The following AAMDC variants were observed in gnomAD, a reference collection of about 807,000 sequenced individuals.
AAMDC encodes the protein adipogenesis associated Mth938 domain containing, also known as mth938 domain-containing protein.
In AAMDC, 16 loss-of-function variants were observed where a neutral mutation model predicts 15.5. The ratio of observed to expected loss-of-function variants is 1.03; its 90% confidence interval spans 0.70 to 1.57. The LOEUF (loss-of-function observed/expected upper bound fraction) is 1.57. Among genes scored for constraint, AAMDC ranks in the 40% most tolerant of loss-of-function variants. The pLI is 0.00. For synonymous variants in AAMDC, 51 were observed against 51.6 expected (o/e 0.99, Z 0.05); for missense variants, 141 against 144.9 (o/e 0.97, Z 0.14).
intron 1 of AAMDC, among the ~76,000 whole-genome samples, chr11:77,841,941 T>C (rs4944176): frequency 0.13 from 19,608 of 152,196 alleles, 1,448 homozygotes; most frequent in Admixed American, 0.19. Flanking sequence ...CTGTTCATTT[T>C]CATGTTCTGC....
chr11:77,893,721 C>T (rs1239010983), intron 5 of AAMDC, among the ~76,000 whole-genome samples: 2 of 151,814 alleles, frequency 1.3e-5, no homozygotes, highest in African/African-American at 4.8e-5. Context: ...GATGAAACCC[C>T]GTCTCTACTA....
intron 5 of AAMDC, among the ~76,000 whole-genome samples, chr11:77,878,034 T>C (rs535024234): frequency 3.3e-5 from 5 of 152,302 alleles, no homozygotes; most frequent in East Asian, 3.9e-4. Flanking sequence ...TTTAAAGCCA[T>C]AGAGGTCCTA....
chr11:77,886,028 C>T (rs1376276484), intron 5 of AAMDC, among the ~76,000 whole-genome samples: 3 of 151,786 alleles, frequency 2.0e-5, no homozygotes, highest in African/African-American at 7.3e-5. Flanking sequence ...AAGTAAGACC[C>T]CCCAATCTCC....
intron 5 of AAMDC, among the ~76,000 whole-genome samples, chr11:77,881,674 A>C (rs2136353021): frequency 6.6e-6 from 1 of 152,358 alleles, no homozygotes; most frequent in East Asian, 1.9e-4. Context: ...AGTGCCTACT[A>C]CATGTCAGGC....
chr11:77,898,758 G>A (rs886190805), intron 5 of AAMDC, among the ~76,000 whole-genome samples: 7 of 152,194 alleles, frequency 4.6e-5, no homozygotes, highest in African/African-American at 1.2e-4. Flanking sequence ...GGTAGCTCAC[G>A]CCTGGAATCC....
chr11:77,864,567 T>TA (rs1478542965), intron 2 of AAMDC, among the ~76,000 whole-genome samples: 2 of 152,202 alleles, frequency 1.3e-5, no homozygotes, highest in African/African-American at 2.4e-5. Context: ...ACACTAGAAA[T>TA]AAACTCAGTG....
intron 5 of AAMDC, among the ~76,000 whole-genome samples, chr11:77,878,023 A>T (rs1158052507): frequency 6.6e-6 from 1 of 152,134 alleles, no homozygotes. Context: ...TATATTATTT[A>T]TTTAAAGCCA....
At chr11:77,859,612 C>T (rs554376576) in intron 2 of AAMDC, among the ~76,000 whole-genome samples, 17 of 152,322 alleles carry the variant, frequency 1.1e-4, no homozygotes, top group Admixed American at 8.5e-4. Flanking sequence ...GGATTACTTT[C>T]AAGTATTCCA....
intron 1 of AAMDC, among the ~76,000 whole-genome samples, chr11:77,831,094 G>A (rs1196448697): frequency 6.6e-6 from 1 of 151,802 alleles, no homozygotes; most frequent in Non-Finnish European, 1.5e-5. Flanking sequence ...TCAGTGAGCT[G>A]TAATCATGTC....
intron 3 of AAMDC, among the ~76,000 whole-genome samples, chr11:77,870,320 T>C (rs1292766938): frequency 6.8e-6 from 1 of 148,120 alleles, no homozygotes; most frequent in Middle Eastern, 3.2e-3. Flanking sequence ...ACGTCTGGCC[T>C]ATTTTTTAAT....
intron 5 of AAMDC, among the ~76,000 whole-genome samples, chr11:77,882,133 C>A (rs1429499531): frequency 6.6e-6 from 1 of 152,190 alleles, no homozygotes; most frequent in Non-Finnish European, 1.5e-5. Context: ...CCATGCTGGT[C>A]TCAGACTCTT....
intron 5 of AAMDC, chr11:77,884,083 G>A: frequency 2.3e-6 from 2 of 876,388 alleles, no homozygotes; most frequent in South Asian, 3.3e-5. Context: ...TTGAGCCTTG[G>A]GGGTAGGTCA....
chr11:77,875,298 T>C (rs1951565336), downstream of AAMDC, among the ~76,000 whole-genome samples: 1 of 152,152 alleles, frequency 6.6e-6, no homozygotes, highest in Non-Finnish European at 1.5e-5. Context: ...TACAGATCAG[T>C]TGGAAGAAAT....
intron 1 of AAMDC, among the ~76,000 whole-genome samples, chr11:77,826,372 A>AC (rs1949173615): frequency 6.6e-6 from 1 of 151,856 alleles, no homozygotes; most frequent in Non-Finnish European, 1.5e-5. Context: ...AAAAAAAAAA[A>AC]GATGGGGGAC....
chr11:77,878,213 T>G (rs924444925), intron 5 of AAMDC, among the ~76,000 whole-genome samples: 6 of 151,784 alleles, frequency 4.0e-5, no homozygotes, highest in African/African-American at 1.2e-4. Context: ...ATACAAAAAA[T>G]TAGCAAGGCG....
At chr11:77,841,105 A>G (rs978893655) in intron 1 of AAMDC, 1 of 676,102 alleles carries the variant, frequency 1.5e-6, no homozygotes, top group Non-Finnish European at 2.7e-6. Flanking sequence ...AAGTCATCAC[A>G]TGGTGGAAGC....
chr11:77,842,665 TGA>T, intron 2 of AAMDC, 37 bp downstream of exon 2: 1 of 1,601,022 alleles, frequency 6.2e-7, no homozygotes, highest in Non-Finnish European at 8.5e-7. Flanking sequence ...TACATGAGGC[TGA>T]CCAAGTGATT....
intron 2 of AAMDC, among the ~76,000 whole-genome samples, chr11:77,846,633 G>A (rs576536678): frequency 3.9e-5 from 6 of 152,224 alleles, no homozygotes; most frequent in Non-Finnish European, 7.3e-5. Flanking sequence ...TTGAACCCGG[G>A]AGGTGGAGGT....
chr11:77,858,749 C>G (rs1950747636), intron 2 of AAMDC, among the ~76,000 whole-genome samples: 1 of 152,114 alleles, frequency 6.6e-6, no homozygotes, highest in Admixed American at 6.5e-5. Context: ...GGGAGGGATG[C>G]CTTTGATGTC....
Sources: allele counts gnomAD v4.1 joint callset (sites outside exome capture counted in the v4.1 genomes callset), GRCh38; gene constraint gnomAD v4.1.1; transcripts MANE v1.5; gene names NCBI Gene and HGNC (gene_info 2026-07-23, HGNC 2026-07-21).